Variants in CACNB4 observed in about 807,000 individuals in gnomAD.
CACNB4 encodes the protein voltage-dependent L-type calcium channel subunit beta-4.
In CACNB4, 32 loss-of-function variants were observed where a neutral mutation model predicts 71.2. The observed-to-expected ratio is 0.45, with a 90% confidence interval of 0.34 to 0.60. CACNB4 has a LOEUF of 0.60. Ranked by LOEUF, CACNB4 falls within the 20% of genes least tolerant of loss-of-function variation. CACNB4 has a pLI of 0.01. For synonymous variants in CACNB4, 231 were observed against 236.9 expected (o/e 0.97, Z 0.23); for missense variants, 464 against 647.9 (o/e 0.72, Z 3.08).
rs937217883 is a variant in CACNB4 at position 152,079,538 on chromosome 2, C to T, written c.147+18792G>A. Reference sequence around the variant, plus strand: ...TGGTGGCACACACCTGTAATCCCAGCACTTTAAGAGGCCAAGGCAGCGGGA... The same window carrying T: ...TGGTGGCACACACCTGTAATCCCAGTACTTTAAGAGGCCAAGGCAGCGGGA... On this transcript the variant is annotated intron_variant, in intron 2 of 13. Coordinates refer to ENST00000539935, the MANE Select transcript of CACNB4 (RefSeq NM_000726.5). Among the ~76,000 whole-genome samples, 5 of 152,248 alleles carry T rather than the reference C, an allele frequency of 3.3e-5. No individual in the cohort carries two copies. In the East Asian group the frequency reaches 9.7e-4, roughly 29 times the overall value.
At chr2:151,906,913 G>C (rs114662723) in intron 2 of CACNB4, among the ~76,000 whole-genome samples, 97 of 152,256 alleles carry the variant, frequency 6.4e-4, no homozygotes, top group African/African-American at 2.2e-3. Context: ...TGTTTTTTCT[G>C]ATAACCTTTT....
chr2:151,855,513 T>A (rs892321147), intron 10 of CACNB4, 138 bp from the exon 11 acceptor site: 1 of 641,706 alleles, frequency 1.6e-6, no homozygotes, highest in African/African-American at 1.8e-5. Context: ...CCTGTCTAAT[T>A]TAAGACATTT....
At chr2:152,042,839 C>T (rs139196248) in intron 2 of CACNB4, among the ~76,000 whole-genome samples, 3 of 151,968 alleles carry the variant, frequency 2.0e-5, no homozygotes, top group Admixed American at 2.0e-4. Flanking sequence ...GACAGGAGGT[C>T]GGCACAAGAT....
In CACNB4 at chr2:151,872,910, C is replaced by G. The variant is rs1217639281; in HGVS notation, c.522-417G>C. The G allele has an allele frequency of 3.2e-5, 5 of 154,134 alleles. No homozygotes were observed. The South Asian group carries it at 1.0e-3, about 31-fold the overall frequency. 9.5% of individuals were successfully genotyped at this position (154,134 alleles called of 1,614,324 possible). A position where few individuals can be genotyped will look rare whatever the true frequency, so the allele number is the denominator to read the frequency against. ...GTGGGCATCAGAATTAAGAACTGAT[C>G]GTAGGGAATTGGTCACGAAAAATAT... On this transcript the variant is annotated intron_variant, in intron 5 of 13. Coordinates refer to ENST00000539935, the MANE Select transcript of CACNB4 (RefSeq NM_000726.5).
At chr2:151,958,504 T>C (rs2151688315) in intron 2 of CACNB4, among the ~76,000 whole-genome samples, 1 of 152,330 alleles carries the variant, frequency 6.6e-6, no homozygotes, top group South Asian at 2.1e-4. Context: ...GTGGAAAAGA[T>C]ATCAGAAGAA....
At chr2:151,923,240 A>G (rs2099859401) in intron 2 of CACNB4, among the ~76,000 whole-genome samples, 1 of 152,224 alleles carries the variant, frequency 6.6e-6, no homozygotes, top group Admixed American at 6.5e-5. Flanking sequence ...TATTGCTTCT[A>G]TTCTGAAACT....
At chr2:151,933,493 G>A (rs1020223597) in intron 2 of CACNB4, among the ~76,000 whole-genome samples, 3 of 151,910 alleles carry the variant, frequency 2.0e-5, no homozygotes, top group African/African-American at 7.3e-5. Context: ...TATTGTAACT[G>A]TCATCCCTCT....
At chr2:151,911,903 G>T (rs1471747877) in intron 2 of CACNB4, among the ~76,000 whole-genome samples, 2 of 152,098 alleles carry the variant, frequency 1.3e-5, no homozygotes, top group African/African-American at 4.8e-5. Context: ...TCGGTAGGGT[G>T]TATGTGTCCA....
chr2:151,845,085 T>G (rs574954558), intron 12 of CACNB4, among the ~76,000 whole-genome samples: 1 of 152,348 alleles, frequency 6.6e-6, no homozygotes, highest in African/African-American at 2.4e-5. Flanking sequence ...GAGGTTTATA[T>G]CTACTTGGCC....
intron 2 of CACNB4, among the ~76,000 whole-genome samples, chr2:152,008,325 C>A (rs1254740343): frequency 6.6e-6 from 1 of 151,918 alleles, no homozygotes; most frequent in Admixed American, 6.6e-5. Context: ...CTCACTCTGT[C>A]GCCCAGGCTG....
At chr2:151,873,061 T>C (rs1011365410) in intron 5 of CACNB4, 13 of 152,276 alleles carry the variant, frequency 8.5e-5, no homozygotes, top group African/African-American at 2.2e-4. Context: ...AAAAAAGTTA[T>C]ATGGCCCATG....
chr2:151,867,130 G>T (rs2099843364), intron 9 of CACNB4: 2 of 152,182 alleles, frequency 1.3e-5, no homozygotes, highest in Non-Finnish European at 2.9e-5. Flanking sequence ...GATGGGATTT[G>T]TTCAGATAGG....
At chr2:151,938,929 A>T (rs899556911) in intron 2 of CACNB4, among the ~76,000 whole-genome samples, 1 of 152,230 alleles carries the variant, frequency 6.6e-6, no homozygotes, top group African/African-American at 2.4e-5. Context: ...TTTAAGTTCT[A>T]TCAGCTCTGC....
chr2:151,959,717 A>G (rs1260534648), intron 2 of CACNB4, among the ~76,000 whole-genome samples: 1 of 151,770 alleles, frequency 6.6e-6, no homozygotes, highest in African/African-American at 2.4e-5. Context: ...CCTACTTTAT[A>G]TTTGGAATGT....
intron 2 of CACNB4, among the ~76,000 whole-genome samples, chr2:151,976,411 T>A (rs995379319): frequency 3.3e-5 from 5 of 152,216 alleles, no homozygotes; most frequent in African/African-American, 1.2e-4. Context: ...GTAGGCGTGT[T>A]CCCAAGAGGA....
At chr2:151,997,533 CA>C (rs5835392) in intron 2 of CACNB4, among the ~76,000 whole-genome samples, 1 of 149,120 alleles carries the variant, frequency 6.7e-6, no homozygotes, top group Non-Finnish European at 1.5e-5. Context: ...GACTCTGTCT[CA>C]AAAAAAAAGA....
intron 2 of CACNB4, chr2:151,970,410 C>T (rs938572522): frequency 3.9e-5 from 6 of 152,032 alleles, no homozygotes; most frequent in South Asian, 2.1e-4. Flanking sequence ...GAACATCCCT[C>T]GGTTTGTGTA....
chr2:151,991,977 G>A (rs1032818390), intron 2 of CACNB4, among the ~76,000 whole-genome samples: 3 of 152,158 alleles, frequency 2.0e-5, no homozygotes, highest in African/African-American at 7.2e-5. Context: ...GAGGTAACTG[G>A]GACTCAGTCC....
intron 2 of CACNB4, among the ~76,000 whole-genome samples, chr2:152,040,175 A>G (rs1273274693): frequency 1.3e-5 from 2 of 152,212 alleles, no homozygotes; most frequent in African/African-American, 2.4e-5. Context: ...GGTCTAACCC[A>G]TATACTAGTT....
Sources: allele counts gnomAD v4.1 joint callset (sites outside exome capture counted in the v4.1 genomes callset), GRCh38; gene constraint gnomAD v4.1.1; transcripts MANE v1.5; gene names NCBI Gene and HGNC (gene_info 2026-07-23, HGNC 2026-07-21).